Variants in APC observed in about 807,000 individuals in gnomAD.
APC encodes the protein adenomatous polyposis coli protein.
In APC, 72 loss-of-function variants were observed where a neutral mutation model predicts 247.0. The ratio of observed to expected loss-of-function variants is 0.29; its 90% CI spans 0.24 to 0.35. The LOEUF (loss-of-function observed/expected upper bound fraction) is 0.35, where lower values mean the gene tolerates loss of function less well. Among genes scored for constraint, APC ranks in the 10% least tolerant of loss-of-function variants. APC has a pLI of 1.00. For missense variants in APC, 3,400 were observed against 3,360.7 expected (o/e 1.01, Z -0.29); for synonymous variants, 1,254 against 1,162.5 (o/e 1.08, Z -1.60).
At position 112,838,846 on chromosome 5, in the gene APC, T is replaced by C. The variant is rs1765374814; in HGVS notation, c.3252T>C (p.Asp1084=). ...TYPVYTESTD[D]KHLKFQPHFG... ...CTGTTTATACTGAGAGCACTGATGA[T>C]AAACACCTCAAGTTCCAACCACATT... is the stretch of plus-strand genomic sequence containing the variant. Residue 1084 remains aspartate, a synonymous_variant, in exon 16 of 16, where the codon GAT becomes GAC. Coordinates refer to ENST00000257430, the MANE Select transcript of APC (RefSeq NM_000038.6). 6.2e-7 allele frequency: 1 copy of C among 1,614,042 alleles called. No homozygotes were observed.
intron 3 of APC, among the ~76,000 whole-genome samples, 181 bp from the exon 4 acceptor site, chr5:112,767,008 A>G (rs1756408865): frequency 1.3e-5 from 2 of 152,162 alleles, no homozygotes; most frequent in Admixed American, 6.5e-5. Flanking sequence ...CACACTCCTT[A>G]TTTTTACCCT....
At chr5:112,738,905 AAATT>A (rs1752653931) in intron 1 of APC, among the ~76,000 whole-genome samples, 1 of 152,238 alleles carries the variant, frequency 6.6e-6, no homozygotes, top group Non-Finnish European at 1.5e-5. Flanking sequence ...AAATCTTAAT[AAATT>A]ATGTATGAAA....
intron 11 of APC, among the ~76,000 whole-genome samples, chr5:112,824,403 G>A (rs938046110): frequency 6.6e-6 from 1 of 152,174 alleles, no homozygotes; most frequent in Non-Finnish European, 1.5e-5. Flanking sequence ...TCATTTGCCT[G>A]AAATCAAAAA....
intron 7 of APC, among the ~76,000 whole-genome samples, chr5:112,797,491 G>A (rs1193204304): frequency 1.3e-5 from 2 of 152,102 alleles, no homozygotes; most frequent in Middle Eastern, 3.2e-3. Context: ...CTGGTTTAAG[G>A]TCTAGATGCT....
chr5:112,741,910 A>G (rs1303202733), intron 1 of APC, among the ~76,000 whole-genome samples: 3 of 152,176 alleles, frequency 2.0e-5, no homozygotes, highest in African/African-American at 7.2e-5. Context: ...TTCACTTAGC[A>G]TAATGTCTCG....
intron 8 of APC, among the ~76,000 whole-genome samples, chr5:112,802,234 A>G (rs1381885766): frequency 2.0e-5 from 3 of 152,126 alleles, no homozygotes; most frequent in Non-Finnish European, 4.4e-5. Flanking sequence ...ATTAAAATGT[A>G]AAGCTTAAAA....
chr5:112,722,597 C>G (rs1751545198), intron 1 of APC, among the ~76,000 whole-genome samples: 1 of 151,994 alleles, frequency 6.6e-6, no homozygotes, highest in Admixed American at 6.6e-5. Context: ...TCTGGAACTT[C>G]TGATTGGCTT....
At chr5:112,817,184 A>G (rs1265378030) in intron 9 of APC, among the ~76,000 whole-genome samples, 1 of 152,110 alleles carries the variant, frequency 6.6e-6, no homozygotes, top group Non-Finnish European at 1.5e-5. Context: ...AGAGATTTTA[A>G]TATTCACTAA....
chr5:112,713,090 G>C (rs997162165), intron 1 of APC, among the ~76,000 whole-genome samples: 2 of 148,626 alleles, frequency 1.3e-5, no homozygotes, highest in Admixed American at 6.9e-5. Context: ...AGAATCACTT[G>C]AACCCAGGAA....
At chr5:112,827,717 C>G (rs869312469) in intron 12 of APC, among the ~76,000 whole-genome samples, 1 of 152,164 alleles carries the variant, frequency 6.6e-6, no homozygotes, top group African/African-American at 2.4e-5. Context: ...CACTTTATTT[C>G]TCTAGTTTGA....
intron 1 of APC, among the ~76,000 whole-genome samples, chr5:112,749,046 G>A (rs555813438): frequency 6.6e-6 from 1 of 152,090 alleles, no homozygotes; most frequent in African/African-American, 2.4e-5. Context: ...TTTATGGAAA[G>A]TTTTTTCTTT....
At position 112,775,567 on chromosome 5, in the gene APC, G is replaced by C. The variant is rs2149613630; in HGVS notation, c.423-62G>C. ...TGCAATAACAACTGATGTAAGTATT[G>C]CTCTTCTGCAGTCTTTATTAGCATT... On this transcript the variant is annotated intron_variant, in intron 4 of 15. Transcript: ENST00000257430. The C allele has an allele frequency of 3.1e-6, 3 of 958,060 alleles. No homozygotes were observed. In the Admixed American group the frequency reaches 5.9e-5, roughly 19 times the overall value. The allele number at this position is 958,060 out of a possible 1,614,324, so 59.3% of individuals were successfully genotyped here.
intron 6 of APC, among the ~76,000 whole-genome samples, chr5:112,785,385 G>A (rs1336870372): frequency 6.6e-6 from 1 of 152,076 alleles, no homozygotes; most frequent in Non-Finnish European, 1.5e-5. Flanking sequence ...AGTTAAAGGT[G>A]GAAATGGGGG....
intron 1 of APC, among the ~76,000 whole-genome samples, chr5:112,722,391 A>G (rs2149658643): frequency 6.6e-6 from 1 of 152,352 alleles, no homozygotes; most frequent in South Asian, 2.1e-4. Flanking sequence ...AAATTTACCA[A>G]TTAAATGAAT....
rs138017072 is a variant in APC, at chr5:112,755,158, A to G, written c.135+133A>G. The G allele has an allele frequency of 2.2e-4, 283 of 1,273,598 alleles. 2 individuals carry two copies. The African/African-American group carries it at 3.9e-3, about 18-fold the overall frequency. The allele number at this position is 1,273,598 out of a possible 1,614,324, so 78.9% of individuals were successfully genotyped here. A position where few individuals can be genotyped will look rare whatever the true frequency, so the allele number is the denominator to read the frequency against. On this transcript the variant is annotated intron_variant, in intron 2 of 15. Transcript: ENST00000257430. ...AATAATATGTAAACTCTTTCTTGCA[A>G]AAGTTAGCATTTATATTTTTAAATA...
chr5:112,717,901 TCTTTTTC>T, intron 1 of APC, among the ~76,000 whole-genome samples: 1 of 129,298 alleles, frequency 7.7e-6, no homozygotes, highest in African/African-American at 2.9e-5. Context: ...TTTTTCTTTT[TCTTTTTC>T]TTTTTTTTTT....
At chr5:112,803,750 T>C (rs1418665754) in intron 8 of APC, among the ~76,000 whole-genome samples, 1 of 152,226 alleles carries the variant, frequency 6.6e-6, no homozygotes, top group African/African-American at 2.4e-5. Context: ...ATGGAACCTA[T>C]ATGGTGCATC....
At chr5:112,759,653 C>T (rs1005392883) in intron 2 of APC, among the ~76,000 whole-genome samples, 1 of 152,016 alleles carries the variant, frequency 6.6e-6, no homozygotes, top group Non-Finnish European at 1.5e-5. Context: ...CCGTGCCCAG[C>T]CTAATGAATA....
chr5:112,777,108 A>G (rs1757743705), intron 5 of APC, among the ~76,000 whole-genome samples: 2 of 152,234 alleles, frequency 1.3e-5, no homozygotes, highest in South Asian at 4.1e-4. Flanking sequence ...CTTGAAATGT[A>G]TGACTTAAGG....
Sources: allele counts gnomAD v4.1 joint callset (sites outside exome capture counted in the v4.1 genomes callset), GRCh38; gene constraint gnomAD v4.1.1; transcripts MANE v1.5; gene names NCBI Gene and HGNC (gene_info 2026-07-23, HGNC 2026-07-21).